Variants in EML4 observed in about 807,000 individuals in gnomAD.
EML4 encodes the protein EMAP like 4, also known as echinoderm microtubule-associated protein-like 4.
In EML4, 72 loss-of-function variants were observed where a neutral mutation model predicts 129.0. The ratio of observed to expected loss-of-function variants is 0.56; its 90% CI spans 0.46 to 0.68. The LOEUF (loss-of-function observed/expected upper bound fraction) is 0.68. Ranked by LOEUF, EML4 falls within the 30% of genes least tolerant of loss-of-function variation. The pLI, the probability that EML4 is intolerant of heterozygous loss-of-function variation, is 0.00. For synonymous variants in EML4, 532 were observed against 405.0 expected (o/e 1.31, Z -3.77); for missense variants, 1,363 against 1,190.6 (o/e 1.14, Z -2.13).
intron 1 of EML4, among the ~76,000 whole-genome samples, chr2:42,215,549 CAAA>C (rs879474966): frequency 6.3e-5 from 9 of 142,758 alleles, no homozygotes; most frequent in African/African-American, 2.3e-4. Flanking sequence ...GTTTAAGAAG[CAAA>C]AAAAAAAAAT....
intron 17 of EML4, among the ~76,000 whole-genome samples, chr2:42,307,412 C>G (rs1389314634): frequency 6.6e-6 from 1 of 152,152 alleles, no homozygotes; most frequent in East Asian, 1.9e-4. Context: ...TGATTAGAAT[C>G]TAGGGGAGAT....
In EML4 at chr2:42,263,240, G is replaced by C; in HGVS notation, c.575G>C (p.Arg192Pro). ...TCTTGGGAAAATTCAGATGATAGCC[G>C]TAATAAATTGTCGAAAATACCTTCA... The part of the protein sequence containing the change: ...HNSWENSDDS[R>P]NKLSKIPSTP... Residue 192 changes from arginine to proline, a missense_variant, in exon 5 of 23, where the codon CGT becomes CCT. Physicochemically the swap from Arg to Pro is moderately radical, Grantham distance 103. Transcript: ENST00000318522. The C allele has an allele frequency of 1.9e-6, 3 of 1,612,870 alleles. No homozygotes were observed. The highest frequency in any genetic ancestry group is 1.3e-5 in the African/African-American group (1 of 74,956).
At chr2:42,200,153 C>CAAAA (rs11421705) in intron 1 of EML4, among the ~76,000 whole-genome samples, 3 of 84,458 alleles carry the variant, frequency 3.6e-5, no homozygotes, top group Non-Finnish European at 4.9e-5. Context: ...ACTAAAAATA[C>CAAAA]AAAAAAAAAA....
At chr2:42,314,204 C>G (rs1028074457) in intron 17 of EML4, among the ~76,000 whole-genome samples, 6 of 151,920 alleles carry the variant, frequency 3.9e-5, no homozygotes, top group African/African-American at 1.5e-4. Context: ...ACTAAAAATA[C>G]AAAAATTAGC....
intron 6 of EML4, among the ~76,000 whole-genome samples, chr2:42,267,105 C>T (rs756569221): frequency 3.5e-4 from 54 of 152,216 alleles, no homozygotes; most frequent in South Asian, 1.5e-3. Context: ...ACTTCAACCT[C>T]CCTAAGTCTT....
At chr2:42,202,670 G>A (rs1171096557) in intron 1 of EML4, among the ~76,000 whole-genome samples, 1 of 152,124 alleles carries the variant, frequency 6.6e-6, no homozygotes, top group Non-Finnish European at 1.5e-5. Context: ...GTCTTTCCAT[G>A]TTCTTTTGTC....
chr2:42,243,255 GAGA>G (rs2104285649), intron 1 of EML4, among the ~76,000 whole-genome samples: 2 of 152,298 alleles, frequency 1.3e-5, no homozygotes, highest in South Asian at 4.1e-4. Context: ...TGAGAAGAAG[GAGA>G]ATAGGAAAGA....
chr2:42,330,735 C>T lies in EML4; in HGVS notation c.*528C>T, dbSNP rs878967895. The stretch of plus-strand genomic sequence containing the variant: ...TTAATTAAGAAAAACTTCAGTTTTG[C>T]CAAGTGCAATGGTGTTGCCTTCTTT... On this transcript the variant is annotated 3_prime_UTR_variant, in exon 23 of 23. Transcript: ENST00000318522. 4.3e-6 allele frequency: 1 copy of T among 233,226 alleles called. No individual in the cohort carries two copies. The highest frequency in any genetic ancestry group is 1.0e-4 in the South Asian group (1 of 9,856). The allele number at this position is 233,226 out of a possible 1,614,324, so 14.4% of individuals were successfully genotyped here.
chr2:42,232,356 A>G (rs1674401440), intron 1 of EML4, among the ~76,000 whole-genome samples: 1 of 152,328 alleles, frequency 6.6e-6, no homozygotes, highest in African/African-American at 2.4e-5. Context: ...AGCCCTTCTA[A>G]CCTTAGGAAC....
intron 1 of EML4, among the ~76,000 whole-genome samples, chr2:42,227,453 T>C (rs914111898): frequency 1.3e-5 from 2 of 150,930 alleles, no homozygotes; most frequent in Non-Finnish European, 2.9e-5. Context: ...GCTTTCAAAA[T>C]TAATATGAGC....
At position 42,233,376 on chromosome 2, in the gene EML4, G is replaced by A. The variant is rs180798071; in HGVS notation, c.26-12129G>A. ...GCTGGAGTGCAGTGGCGCGATCTCA[G>A]CTCCCTGCAAGCTCTGCCTCCCAGG... On this transcript the variant is annotated intron_variant, in intron 1 of 22. Transcript: ENST00000318522. Among the ~76,000 whole-genome samples the A allele has an allele frequency of 1.8e-3, 267 of 150,948 alleles. 3 individuals carry two copies. Among genetic ancestry groups the A allele is most frequent in the East Asian group, 6.6e-3 (34 of 5,128 alleles).
At position 42,268,687 on chromosome 2, in the gene EML4, C is replaced by G. The variant is rs372836401; in HGVS notation, c.667+3956C>G. On this transcript the variant is annotated intron_variant, in intron 6 of 22. Coordinates refer to ENST00000318522, the MANE Select transcript of EML4 (RefSeq NM_019063.5). Reference sequence around the variant, plus strand: ...TTTTAGCCTCAAGCAGTCCTCCCATCTCTACCTCCCAAAGCGTTAGGATTA... The same window carrying G: ...TTTTAGCCTCAAGCAGTCCTCCCATGTCTACCTCCCAAAGCGTTAGGATTA... 2.0e-5 allele frequency among the ~76,000 whole-genome samples: 3 copies of G among 152,310 alleles called. No homozygotes were observed. The East Asian group carries it at 5.8e-4, about 29-fold the overall frequency.
At chr2:42,288,501 C>G (rs1371659906) in intron 11 of EML4, 179 bp downstream of exon 11, 3 of 366,724 alleles carry the variant, frequency 8.2e-6, no homozygotes, top group East Asian at 8.8e-5. Context: ...TATAGTTATA[C>G]AAGATAAAAT....
At chr2:42,304,459 C>T (rs771180159) in intron 16 of EML4, 25 bp from the exon 17 acceptor site, 1 of 1,606,556 alleles carries the variant, frequency 6.2e-7, no homozygotes, top group Admixed American at 1.7e-5. Flanking sequence ...ATGTACTCCC[C>T]AACAGCTGTC....
At chr2:42,219,952 T>C (rs1673463562) in intron 1 of EML4, among the ~76,000 whole-genome samples, 1 of 151,634 alleles carries the variant, frequency 6.6e-6, no homozygotes, top group Non-Finnish European at 1.5e-5. Flanking sequence ...GAAAACTCTT[T>C]TTTGCCAGGA....
intron 1 of EML4, among the ~76,000 whole-genome samples, chr2:42,231,873 C>G (rs770636208): frequency 7.9e-5 from 12 of 151,856 alleles, no homozygotes; most frequent in Non-Finnish European, 1.6e-4. Context: ...GGCGTGAACC[C>G]GGGAGGCAGA....
intron 19 of EML4, among the ~76,000 whole-genome samples, chr2:42,324,400 GAGCCTGGGAGTTCAAGACC>G (rs563682550): frequency 3.9e-5 from 6 of 152,362 alleles, no homozygotes; most frequent in Middle Eastern, 3.4e-3. Context: ...AGGATCGCTT[GAGCCTGGGAGTTCAAGACC>G]AGCCTCGGCG....
At chr2:42,201,999 C>T (rs1353756494) in intron 1 of EML4, among the ~76,000 whole-genome samples, 1 of 151,810 alleles carries the variant, frequency 6.6e-6, no homozygotes, top group Non-Finnish European at 1.5e-5. Context: ...AGGAGACTCG[C>T]TTGAACTCGG....
intron 2 of EML4, among the ~76,000 whole-genome samples, chr2:42,254,301 A>G (rs1463988399): frequency 6.6e-6 from 1 of 152,108 alleles, no homozygotes. Flanking sequence ...CGAAAAAAAT[A>G]TAAAAATTAG....
Sources: allele counts gnomAD v4.1 joint callset (sites outside exome capture counted in the v4.1 genomes callset), GRCh38; gene constraint gnomAD v4.1.1; transcripts MANE v1.5; gene names NCBI Gene and HGNC (gene_info 2026-07-23, HGNC 2026-07-21).